ADARB1: variants seen among roughly 807,000 people sequenced by gnomAD.
ADARB1 encodes adenosine deaminase RNA specific B1, also known as double-stranded RNA-specific editase 1.
ADARB1 carries 10 observed loss-of-function variants against 52.4 expected under a neutral mutation model. The observed-to-expected ratio is 0.19, with a 90% CI of 0.12 to 0.32. The LOEUF (loss-of-function observed/expected upper bound fraction) is 0.32, where lower values mean the gene tolerates loss of function less well. Among genes scored for constraint, ADARB1 ranks in the 10% least tolerant of loss-of-function variants. The pLI, the probability that ADARB1 is intolerant of heterozygous loss-of-function variation, is 1.00. For missense variants in ADARB1, 643 were observed against 922.3 expected (o/e 0.70, Z 3.92); for synonymous variants, 349 against 371.1 (o/e 0.94, Z 0.68).
rs191386898 is a variant in ADARB1, at chr21:45,140,318, C to G, written c.-48+11745C>G. On this transcript the variant is annotated intron_variant, in intron 2 of 10. Coordinates refer to ENST00000348831, the MANE Select transcript of ADARB1 (RefSeq NM_001112.4). ...TCTTACCCCAAAAAGTTTCCTCTTACCCCGTGCAGATGTCCTACCCATCAG... is the reference window on the plus strand; with the variant it reads ...TCTTACCCCAAAAAGTTTCCTCTTAGCCCGTGCAGATGTCCTACCCATCAG... Among the ~76,000 whole-genome samples the G allele has an allele frequency of 7.1e-4, 108 of 152,312 alleles. 2 individuals are homozygous for G. The highest frequency in any genetic ancestry group is 8.2e-4 in the Non-Finnish European group (56 of 68,036).
chr21:45,109,855 G>A (rs378714), intron 1 of ADARB1, among the ~76,000 whole-genome samples: 149,871 of 152,284 alleles, frequency 0.98, 73,748 homozygotes, highest in East Asian at 1. Flanking sequence ...AACTTTCTGT[G>A]TGCGGTTGTA....
chr21:45,107,885 A>G (rs1277507674), intron 1 of ADARB1, among the ~76,000 whole-genome samples: 1 of 152,206 alleles, frequency 6.6e-6, no homozygotes, highest in Non-Finnish European at 1.5e-5. Context: ...AACATGGCAA[A>G]ACCTATTTTT....
At chr21:45,198,495 A>C (rs200661300) in intron 8 of ADARB1, among the ~76,000 whole-genome samples, 2,546 of 96,878 alleles carry the variant, frequency 0.026, 35 homozygotes, top group African/African-American at 0.039. Context: ...TATTAAATTA[A>C]ATCACACACA....
chr21:45,208,704 G>A lies in ADARB1; in HGVS notation c.1747+3968G>A, dbSNP rs113992244. On this transcript the variant is annotated intron_variant, in intron 9 of 10. Coordinates refer to ENST00000348831, the MANE Select transcript of ADARB1 (RefSeq NM_001112.4). This position sits in a 1 kb window ranked among gnomAD's most constrained non-coding sequence, Gnocchi z 5.6. ...AGTGTGTGTGCATGTGTGTGTGCACGCTCACATGAGTGTATGAGAGAGAGA... is the reference window on the plus strand; with the variant it reads ...AGTGTGTGTGCATGTGTGTGTGCACACTCACATGAGTGTATGAGAGAGAGA... 6.6e-6 allele frequency among the ~76,000 whole-genome samples: 1 copy of A among 152,034 alleles called. No individual in the cohort carries two copies. Among genetic ancestry groups the A allele is most frequent in the Admixed American group, 6.6e-5 (1 of 15,260 alleles).
intron 1 of ADARB1, among the ~76,000 whole-genome samples, chr21:45,098,692 C>T (rs567610440): frequency 5.3e-5 from 8 of 152,302 alleles, no homozygotes; most frequent in Admixed American, 1.3e-4. Flanking sequence ...GTAAAGTGTT[C>T]GTGGCAGTGT....
intron 7 of ADARB1, chr21:45,184,533 C>T (rs1259576642): frequency 2.8e-6 from 1 of 360,836 alleles, no homozygotes; most frequent in Non-Finnish European, 5.5e-6. Flanking sequence ...ACTGCAGCCT[C>T]GACCTCCTGG....
At chr21:45,137,249 G>A (rs924018885) in intron 2 of ADARB1, 30 of 152,146 alleles carry the variant, frequency 2.0e-4, no homozygotes, top group African/African-American at 6.0e-4. Flanking sequence ...GGAGGGACTC[G>A]GAGTGACACA....
chr21:45,108,738 CATTAT>C (rs2087371597), intron 1 of ADARB1, among the ~76,000 whole-genome samples: 2 of 144,138 alleles, frequency 1.4e-5, no homozygotes, highest in South Asian at 4.5e-4. Flanking sequence ...GCTCTGTATT[CATTAT>C]GGATTTCATA....
chr21:45,175,835 G>A lies in ADARB1; in HGVS notation c.134G>A (p.Gly45Asp), dbSNP rs144363543. 130 of 1,614,028 alleles carry A rather than the reference G, an allele frequency of 8.1e-5. No individual in the cohort carries two copies. The highest frequency in any genetic ancestry group is 1.1e-4 in the Non-Finnish European group (125 of 1,180,036). The part of the protein sequence containing the change: ...PGEGSQLSNG[G>D]GGGPGRKRPL... ...GAGGGCTCTCAGCTCTCCAATGGGG[G>A]TGGTGGTGGCCCCGGCAGAAAGCGG... Residue 45 changes from glycine (G) to aspartate (D), a missense_variant, in exon 4 of 11, where the codon GGT becomes GAT. Physicochemically the swap from Gly to Asp is moderately conservative, Grantham distance 94. Coordinates refer to ENST00000348831, the MANE Select transcript of ADARB1 (RefSeq NM_001112.4).
intron 9 of ADARB1, among the ~76,000 whole-genome samples, chr21:45,218,124 T>C (rs2092901346): frequency 6.6e-6 from 1 of 152,222 alleles, no homozygotes; most frequent in South Asian, 2.1e-4. Context: ...TTTATTCATC[T>C]TTCTTCAGAT....
At chr21:45,191,174 G>C (rs2092271724) in intron 8 of ADARB1, among the ~76,000 whole-genome samples, 1 of 152,116 alleles carries the variant, frequency 6.6e-6, no homozygotes, top group Non-Finnish European at 1.5e-5. Flanking sequence ...TTAACCTTAT[G>C]GCCAGCAACT....
rs1292252873 is a variant in ADARB1 at position 45,200,178 on chromosome 21, A to G, written c.1566-4377A>G. On this transcript the variant is annotated intron_variant, in intron 8 of 10. Coordinates refer to ENST00000348831, the MANE Select transcript of ADARB1 (RefSeq NM_001112.4). The surrounding 1 kb of genome is among the most constrained non-coding windows in gnomAD (Gnocchi z 5.0). ...GGTGAGGCTGAACTGTTCCCCTTAC[A>G]CAGGACACAGTGACAGGCAGAGGGC... Among the ~76,000 whole-genome samples, 1 of 152,164 alleles carries G rather than the reference A, an allele frequency of 6.6e-6. No homozygotes were observed. Among genetic ancestry groups the G allele is most frequent in the East Asian group, 1.9e-4 (1 of 5,178 alleles).
At chr21:45,151,672 CAA>C (rs1204396148) in intron 2 of ADARB1, among the ~76,000 whole-genome samples, 2 of 152,142 alleles carry the variant, frequency 1.3e-5, no homozygotes, top group Non-Finnish European at 2.9e-5. Flanking sequence ...TTTTTCTAGA[CAA>C]GAGGAGGCTG....
chr21:45,122,284 C>T (rs553010802), intron 1 of ADARB1, among the ~76,000 whole-genome samples: 1 of 152,296 alleles, frequency 6.6e-6, no homozygotes, highest in South Asian at 2.1e-4. Context: ...ACAGTTGCTT[C>T]GTTTAATCAA....
At position 45,204,793 on chromosome 21, in the gene ADARB1, A is replaced by G. The variant is rs1040211839; in HGVS notation, c.1747+57A>G. On this transcript the variant is annotated intron_variant, in intron 9 of 10. Coordinates refer to ENST00000348831, the MANE Select transcript of ADARB1 (RefSeq NM_001112.4). This position sits in a 1 kb window ranked among gnomAD's most constrained non-coding sequence, Gnocchi z 4.4. ...TCTGTCTTGATTTTGCAATGTTTTC[A>G]TCCTCATGAATGAAAAAAACACCAC... 4 of 1,564,440 alleles carry G rather than the reference A, an allele frequency of 2.6e-6. No homozygotes were observed. The highest frequency in any genetic ancestry group is 3.5e-6 in the Non-Finnish European group (4 of 1,146,746).
intron 1 of ADARB1, among the ~76,000 whole-genome samples, chr21:45,099,969 A>G (rs1457738933): frequency 1.3e-5 from 2 of 152,258 alleles, no homozygotes; most frequent in South Asian, 2.1e-4. Context: ...TTATATGGGA[A>G]GTATTCCAAA....
At chr21:45,179,257 ACTTGT>A in intron 4 of ADARB1, among the ~76,000 whole-genome samples, 1 of 152,294 alleles carries the variant, frequency 6.6e-6, no homozygotes, top group South Asian at 2.1e-4. Flanking sequence ...TCTCCACATG[ACTTGT>A]CTTGAACACT....
chr21:45,129,055 A>G (rs192781675), intron 2 of ADARB1, among the ~76,000 whole-genome samples: 5 of 152,068 alleles, frequency 3.3e-5, no homozygotes, highest in Admixed American at 3.3e-4. Flanking sequence ...ACGTGACGAA[A>G]CCCCATCTCT....
intron 2 of ADARB1, among the ~76,000 whole-genome samples, chr21:45,150,853 C>T (rs542467440): frequency 1.3e-4 from 20 of 152,316 alleles, no homozygotes; most frequent in African/African-American, 2.2e-4. Context: ...CCTGCCTGAC[C>T]GTCACTCGTG....
Sources: allele counts gnomAD v4.1 joint callset (sites outside exome capture counted in the v4.1 genomes callset), GRCh38; gene constraint gnomAD v4.1.1; non-coding constraint Gnocchi (gnomAD v3.1); transcripts MANE v1.5; gene names NCBI Gene and HGNC (gene_info 2026-07-23, HGNC 2026-07-21).